Variants in PLA2G4E observed in about 807,000 individuals in gnomAD.
PLA2G4E encodes the protein cytosolic phospholipase A2 epsilon.
Under a neutral mutation model 109.1 loss-of-function variants are expected in PLA2G4E, and 84 were observed. That is an observed-to-expected ratio of 0.77 (90% confidence interval 0.65 to 0.92). The LOEUF is 0.92. PLA2G4E is among the 40% of genes least tolerant of loss of function. The probability of loss-of-function intolerance (pLI) is 0.00; values close to 1 mark genes in which losing one functional copy is unlikely to be tolerated. For synonymous variants in PLA2G4E, 469 were observed against 436.1 expected, an observed-to-expected ratio of 1.08 and a Z score of -0.94; for missense variants, 1,057 against 1,076.6, an observed-to-expected ratio of 0.98 and a Z score of 0.25.
chr15:42,007,584 A>G, intron 3 of PLA2G4E, 145 bp downstream of exon 3: 1 of 994,474 alleles, frequency 1.0e-6, no homozygotes, highest in South Asian at 1.7e-5. Context: ...AGTGGGTGTG[A>G]GTGGGAAGAC....
intron 1 of PLA2G4E, 93 bp from the exon 2 acceptor site, chr15:42,013,850 G>T: frequency 1.1e-6 from 1 of 933,108 alleles, no homozygotes; most frequent in South Asian, 1.5e-5. Context: ...TCCTCAGGCC[G>T]GCCCAGTTGC....
At chr15:42,034,838 C>T (rs926593719) in intron 1 of PLA2G4E, among the ~76,000 whole-genome samples, 2 of 152,230 alleles carry the variant, frequency 1.3e-5, no homozygotes, top group African/African-American at 4.8e-5. Flanking sequence ...TGCCTGAAGC[C>T]TATATGCCCC....
exon 18 of PLA2G4E, chr15:41,985,933 A>G: frequency 6.2e-7 from 1 of 1,607,264 alleles, no homozygotes; most frequent in Non-Finnish European, 8.5e-7. Flanking sequence ...GTTGACAAAG[A>G]ACGCAGTGTC....
intron 1 of PLA2G4E, among the ~76,000 whole-genome samples, chr15:42,019,070 T>C (rs2068623448): frequency 6.6e-6 from 1 of 152,146 alleles, no homozygotes; most frequent in African/African-American, 2.4e-5. Flanking sequence ...TTTAGAGAGA[T>C]TACATCTCAA....
At chr15:42,004,812 A>G in intron 5 of PLA2G4E, 126 bp downstream of exon 5, 5 of 989,164 alleles carry the variant, frequency 5.1e-6, no homozygotes, top group Non-Finnish European at 7.9e-6. Flanking sequence ...AGTCAGGGTT[A>G]GTGCCAGGAG....
chr15:42,039,934 A>T (rs1198403973), intron 1 of PLA2G4E, among the ~76,000 whole-genome samples: 1 of 152,240 alleles, frequency 6.6e-6, no homozygotes, highest in Non-Finnish European at 1.5e-5. Context: ...CTTAACCAAA[A>T]GTTGTAAAAT....
intron 4 of PLA2G4E, among the ~76,000 whole-genome samples, chr15:42,005,783 T>C (rs1048627003): frequency 5.3e-5 from 8 of 152,250 alleles, no homozygotes; most frequent in Non-Finnish European, 1.0e-4. Flanking sequence ...GATCACCATT[T>C]TGTAGATGAG....
intron 3 of PLA2G4E, among the ~76,000 whole-genome samples, chr15:42,007,375 C>A (rs1227430700): frequency 6.6e-6 from 1 of 152,238 alleles, no homozygotes; most frequent in African/African-American, 2.4e-5. Flanking sequence ...TGGAATTAGA[C>A]TGGCCTCAGA....
intron 1 of PLA2G4E, among the ~76,000 whole-genome samples, chr15:42,031,952 G>A (rs977522530): frequency 2.0e-5 from 3 of 152,180 alleles, no homozygotes; most frequent in African/African-American, 7.2e-5. Flanking sequence ...AAGTATTTGG[G>A]TCATGGGGAT....
At chr15:41,997,171 C>A (rs1458381556) in exon 11 of PLA2G4E, 31 of 1,565,780 alleles carry the variant, frequency 2.0e-5, no homozygotes, top group Non-Finnish European at 2.6e-5. Context: ...TGCTTCAGGG[C>A]CTTGGCCACC....
At position 42,004,918 on chromosome 15, in the gene PLA2G4E, CG is replaced by C; in HGVS notation, c.566+19del. 1 of 1,595,828 alleles carries C rather than the reference CG, an allele frequency of 6.3e-7. No individual in the cohort carries two copies. On this transcript the variant is annotated intron_variant, in intron 5 of 19. Transcript: ENST00000399518. ...TGATGGCCAGGACCTTGGTGGGCCC[CG>C]GGGCCTGGGCCTACTCACCTCTCCT...
intron 1 of PLA2G4E, among the ~76,000 whole-genome samples, chr15:42,039,179 A>G (rs1011274213): frequency 1.3e-5 from 2 of 152,226 alleles, no homozygotes; most frequent in Non-Finnish European, 2.9e-5. Flanking sequence ...ATACAGCAGT[A>G]GTTATCCAAA....
intron 10 of PLA2G4E, chr15:41,997,941 TCCTGG>T (rs2068368698): frequency 6.6e-6 from 1 of 151,742 alleles, no homozygotes; most frequent in South Asian, 2.1e-4. Context: ...AAGTCCAGGC[TCCTGG>T]CCTGGCATCC....
chr15:41,985,652 AGC>A (rs2068128565), intron 18 of PLA2G4E, among the ~76,000 whole-genome samples, 185 bp downstream of exon 18: 1 of 152,276 alleles, frequency 6.6e-6, no homozygotes, highest in South Asian at 2.1e-4. Flanking sequence ...TGTGAGAGCC[AGC>A]TGGCTGCCCG....
At chr15:42,045,707 A>G (rs1378482800) in intron 1 of PLA2G4E, among the ~76,000 whole-genome samples, 1 of 152,168 alleles carries the variant, frequency 6.6e-6, no homozygotes, top group African/African-American at 2.4e-5. Flanking sequence ...AAAGGTGGAA[A>G]ACGGGAGAGC....
At chr15:42,020,193 G>T (rs931876623) in intron 1 of PLA2G4E, among the ~76,000 whole-genome samples, 4 of 152,246 alleles carry the variant, frequency 2.6e-5, no homozygotes, top group African/African-American at 7.2e-5. Context: ...TACTTTCAGG[G>T]CATCACCCAT....
At chr15:41,992,625 C>A in intron 13 of PLA2G4E, 112 bp downstream of exon 13, 2 of 1,018,670 alleles carry the variant, frequency 2.0e-6, no homozygotes, top group African/African-American at 1.6e-5. Flanking sequence ...GATACTCCCG[C>A]AGGTCTAACC....
At chr15:41,999,716 T>A (rs2068393453) in intron 9 of PLA2G4E, among the ~76,000 whole-genome samples, 155 bp from the exon 10 acceptor site, 1 of 152,044 alleles carries the variant, frequency 6.6e-6, no homozygotes, top group African/African-American at 2.4e-5. Flanking sequence ...CTCCCCACCA[T>A]CTTCAACTCA....
intron 11 of PLA2G4E, among the ~76,000 whole-genome samples, chr15:41,996,389 A>T (rs1405297863): frequency 6.9e-6 from 1 of 144,242 alleles, no homozygotes; most frequent in Non-Finnish European, 1.5e-5. Flanking sequence ...AGGAGGGAGG[A>T]AGGGGCTCTT....
Sources: gnomAD v4.1 joint callset for allele counts (sites outside exome capture counted in the v4.1 genomes callset) on GRCh38, gnomAD v4.1.1 for gene constraint, MANE v1.5 for transcripts, NCBI Gene and HGNC (gene_info 2026-07-23, HGNC 2026-07-21) for gene names.